Variants in SEL1L2 observed in about 807,000 individuals in gnomAD.
SEL1L2 encodes protein sel-1 homolog 2.
Under a neutral mutation model 98.8 loss-of-function variants are expected in SEL1L2, and 89 were observed. The observed-to-expected ratio is 0.90, with a 90% confidence interval of 0.76 to 1.07. The LOEUF (loss-of-function observed/expected upper bound fraction) is 1.07, where lower values mean the gene tolerates loss of function less well. Among genes scored for constraint, SEL1L2 ranks in the 50% least tolerant of loss-of-function variants. SEL1L2 has a pLI of 0.00. For synonymous variants in SEL1L2, 262 were observed against 278.5 expected, an observed-to-expected ratio of 0.94 and a Z score of 0.59; for missense variants, 788 against 812.0, an observed-to-expected ratio of 0.97 and a Z score of 0.36.
chr20:13,871,976 C>T (rs1016130435), intron 12 of SEL1L2, among the ~76,000 whole-genome samples: 2 of 152,136 alleles, frequency 1.3e-5, no homozygotes, highest in African/African-American at 4.8e-5. Context: ...ACAGGAATAG[C>T]ACATAAATAG....
At chr20:13,868,852 C>G (rs1417834206) in intron 14 of SEL1L2, among the ~76,000 whole-genome samples, 1 of 152,088 alleles carries the variant, frequency 6.6e-6, no homozygotes, top group Admixed American at 6.5e-5. Context: ...CCCGCCTCGG[C>G]CTCCCAAAGT....
intron 17 of SEL1L2, among the ~76,000 whole-genome samples, chr20:13,864,691 G>T (rs192795924): frequency 3.3e-3 from 501 of 152,206 alleles, no homozygotes; most frequent in Non-Finnish European, 3.9e-3. Flanking sequence ...GCTAATGATT[G>T]TAGTAAAGAT....
intron 5 of SEL1L2, among the ~76,000 whole-genome samples, chr20:13,910,091 T>C (rs1420248356): frequency 2.0e-5 from 3 of 152,218 alleles, no homozygotes; most frequent in Non-Finnish European, 4.4e-5. Flanking sequence ...ACTCATGTTC[T>C]GTCTTCTGTT....
chr20:13,877,508 T>A lies in SEL1L2; in HGVS notation c.1026+12A>T, dbSNP rs777233064. 1 of 1,597,354 alleles carries A rather than the reference T, an allele frequency of 6.3e-7. No homozygotes were observed. The highest frequency in any genetic ancestry group is 8.6e-7 in the Non-Finnish European group (1 of 1,166,030). ...AATAAATGAAAACAATGAATCAAGA[T>A]GAAGCATGTACCTTTCCTATAAATG... On this transcript the variant is annotated intron_variant, in intron 11 of 19. Coordinates refer to ENST00000284951, the MANE Select transcript of SEL1L2 (RefSeq NM_025229.2).
intron 17 of SEL1L2, among the ~76,000 whole-genome samples, chr20:13,860,993 C>T (rs1449284680): frequency 6.6e-6 from 1 of 151,964 alleles, no homozygotes; most frequent in East Asian, 1.9e-4. Flanking sequence ...GTTCTTTTTC[C>T]CTCGCCTCCA....
intron 2 of SEL1L2, among the ~76,000 whole-genome samples, chr20:13,955,591 A>G (rs1412752508): frequency 3.9e-5 from 6 of 152,186 alleles, no homozygotes. Flanking sequence ...ATTCAGTGTG[A>G]GATGGAAATT....
At chr20:13,874,268 C>T (rs2046335419) in intron 12 of SEL1L2, among the ~76,000 whole-genome samples, 1 of 152,058 alleles carries the variant, frequency 6.6e-6, no homozygotes, top group African/African-American at 2.4e-5. Flanking sequence ...GTATTGATAT[C>T]ATTTAAAAAC....
chr20:13,850,374 A>G, intron 18 of SEL1L2, 55 bp from the exon 19 acceptor site: 1 of 1,583,468 alleles, frequency 6.3e-7, no homozygotes, highest in East Asian at 2.2e-5. Flanking sequence ...AAGTAAACAG[A>G]CACCATTGTT....
chr20:13,882,675 C>T (rs1286411321), intron 10 of SEL1L2, among the ~76,000 whole-genome samples: 1 of 152,138 alleles, frequency 6.6e-6, no homozygotes, highest in Non-Finnish European at 1.5e-5. Flanking sequence ...ATCAGAATTG[C>T]TCAGCTGAGG....
At chr20:13,969,719 C>A (rs2051199401) in intron 1 of SEL1L2, among the ~76,000 whole-genome samples, 1 of 152,172 alleles carries the variant, frequency 6.6e-6, no homozygotes, top group Admixed American at 6.5e-5. Context: ...CTTTCCTATT[C>A]TTTTCCGAAT....
At chr20:13,956,736 T>C (rs1213425785) in intron 1 of SEL1L2, among the ~76,000 whole-genome samples, 1 of 152,148 alleles carries the variant, frequency 6.6e-6, no homozygotes, top group Non-Finnish European at 1.5e-5. Flanking sequence ...GCATAATCAT[T>C]GGCATATTTA....
chr20:13,888,000 G>A lies in SEL1L2; in HGVS notation c.605C>T (p.Ala202Val). ...ACTTCCAAAGGTGTAATATATCAGT[G>A]CCTAAAGTAAAAACAAACAAACAAA... ...GIGMEYDQAK[A>V]LIYYTFGSAG... The change falls in exon 7 of 20, where the codon GCA (alanine) becomes GTA (valine). Residue 202 changes from alanine to valine, a missense_variant and splice_region_variant. Coordinates refer to ENST00000284951, the MANE Select transcript of SEL1L2 (RefSeq NM_025229.2). 6.2e-7 allele frequency: 1 copy of A among 1,612,242 alleles called. No individual in the cohort carries two copies. Among genetic ancestry groups the A allele is most frequent in the South Asian group, 1.1e-5 (1 of 90,620 alleles).
intron 18 of SEL1L2, 71 bp from the exon 19 acceptor site, chr20:13,850,390 T>A: frequency 6.5e-7 from 1 of 1,530,594 alleles, no homozygotes; most frequent in Non-Finnish European, 9.0e-7. Flanking sequence ...TTGTTCACAA[T>A]ATCAAATGTA....
chr20:13,983,560 G>A (rs759173804), intron 1 of SEL1L2, among the ~76,000 whole-genome samples: 2 of 151,170 alleles, frequency 1.3e-5, no homozygotes, highest in Non-Finnish European at 2.9e-5. Flanking sequence ...CGCTCTTGTT[G>A]CCCAGGCTGG....
intron 3 of SEL1L2, 46 bp downstream of exon 3, chr20:13,931,557 G>C: frequency 8.8e-7 from 1 of 1,133,054 alleles, no homozygotes; most frequent in Non-Finnish European, 1.2e-6. Flanking sequence ...ATTTTATATT[G>C]CATGTAGTCA....
intron 2 of SEL1L2, among the ~76,000 whole-genome samples, chr20:13,945,317 AC>A (rs973469415): frequency 6.6e-6 from 1 of 152,120 alleles, no homozygotes; most frequent in Non-Finnish European, 1.5e-5. Flanking sequence ...TGATATTCTT[AC>A]GTTTTTCTGC....
At chr20:13,922,160 ATAAT>A (rs1382797007) in intron 3 of SEL1L2, among the ~76,000 whole-genome samples, 1 of 152,240 alleles carries the variant, frequency 6.6e-6, no homozygotes, top group African/African-American at 2.4e-5. Context: ...GCATTATTAT[ATAAT>A]TAATAAATAA....
chr20:13,870,462 A>T (rs1236611141), intron 12 of SEL1L2, among the ~76,000 whole-genome samples: 1 of 152,216 alleles, frequency 6.6e-6, no homozygotes, highest in Non-Finnish European at 1.5e-5. Flanking sequence ...TTTGTGTATG[A>T]TTCCATAGTA....
intron 2 of SEL1L2, among the ~76,000 whole-genome samples, chr20:13,948,827 G>C (rs1487551516): frequency 1.3e-5 from 2 of 152,202 alleles, no homozygotes; most frequent in Non-Finnish European, 2.9e-5. Flanking sequence ...AGGCTTTAAT[G>C]AGGATCAGTC....
Sources: allele counts gnomAD v4.1 joint callset (sites outside exome capture counted in the v4.1 genomes callset), GRCh38; gene constraint gnomAD v4.1.1; transcripts MANE v1.5; gene names NCBI Gene and HGNC (gene_info 2026-07-23, HGNC 2026-07-21).